Variants in SREK1 observed in about 807,000 individuals in gnomAD.
The protein encoded by SREK1 is splicing regulatory glutamine/lysine-rich protein 1.
SREK1 carries 13 observed loss-of-function variants against 66.5 expected under a neutral mutation model. The observed-to-expected ratio is 0.20, with a 90% CI of 0.13 to 0.31. The LOEUF (loss-of-function observed/expected upper bound fraction) is 0.31. Among genes scored for constraint, SREK1 ranks in the 10% least tolerant of loss-of-function variants. The probability of loss-of-function intolerance (pLI) is 1.00; values close to 1 mark genes in which losing one functional copy is unlikely to be tolerated. For missense variants in SREK1, 607 were observed against 769.6 expected (o/e 0.79, Z 2.50); for synonymous variants, 265 against 263.5 (o/e 1.01, Z -0.05).
At chr5:66,153,361 A>G (rs955633998) in intron 1 of SREK1, 102 bp from the exon 2 acceptor site, 5 of 1,454,308 alleles carry the variant, frequency 3.4e-6, no homozygotes, top group Non-Finnish European at 4.6e-6. Flanking sequence ...TAAAGTCTTA[A>G]TTTCGTAAGA....
rs138220253 is a variant in SREK1, at chr5:66,154,656, T to G, written c.295+1060T>G. On this transcript the variant is annotated intron_variant, in intron 2 of 11. Coordinates refer to ENST00000334121, the MANE Select transcript of SREK1 (RefSeq NM_001077199.3). ...TTCTGGGATGTCAAAAACATTACAG[T>G]CTAATACAGTGAGTACCAGGCTCGT... is the stretch of plus-strand genomic sequence containing the variant. 1.1e-3 allele frequency among the ~76,000 whole-genome samples: 169 copies of G among 152,308 alleles called. 1 individual carries two copies. Among genetic ancestry groups the G allele is most frequent in the African/African-American group, 3.9e-3 (162 of 41,582 alleles).
intron 1 of SREK1, among the ~76,000 whole-genome samples, chr5:66,150,759 T>C (rs1221576055): frequency 2.0e-5 from 3 of 152,198 alleles, no homozygotes; most frequent in Non-Finnish European, 4.4e-5. Flanking sequence ...ACCAATTGGA[T>C]GAGGACAGAA....
Position 66,154,577 on chromosome 5 carries a change from A to G in SREK1, c.295+981A>G, listed in dbSNP as rs143677330. Among the ~76,000 whole-genome samples the G allele has an allele frequency of 3.5e-3, 532 of 152,320 alleles. 2 individuals are homozygous for G. Among genetic ancestry groups the G allele is most frequent in the South Asian group, 6.4e-3 (31 of 4,832 alleles). ...GGCCAGGCTGACATTAAAATAATAT[A>G]TAATAAGCAGTTTGCTGCACTTTAA... On this transcript the variant is annotated intron_variant, in intron 2 of 11. Transcript: ENST00000334121.
At position 66,170,151 on chromosome 5, in the gene SREK1, A is replaced by C; in HGVS notation, c.1102A>C (p.Arg368=). 1.2e-6 allele frequency: 2 copies of C among 1,612,164 alleles called. No individual in the cohort carries two copies. The highest frequency in any genetic ancestry group is 1.3e-5 in the African/African-American group (1 of 74,932). Residue 368 remains arginine (R), a synonymous_variant, in exon 8 of 12, where the codon AGG becomes CGG. Coordinates refer to ENST00000334121, the MANE Select transcript of SREK1 (RefSeq NM_001077199.3). The stretch of plus-strand genomic sequence containing the variant: ...TAAATCAAGGGAGAGACGGAAGTCA[A>C]GGAGTCGTTCGCATTCACGGTGAGT... ...RSKSRERRKS[R]SRSHSRDKRK... is the part of the protein sequence containing the mutation.
At chr5:66,174,066 A>G (rs147922199) in intron 9 of SREK1, among the ~76,000 whole-genome samples, 5 of 150,918 alleles carry the variant, frequency 3.3e-5, no homozygotes, top group Non-Finnish European at 7.4e-5. Context: ...GGTAAGGATA[A>G]CATGAATTCC....
chr5:66,166,944 A>AGG (rs1745227234), intron 7 of SREK1: 1 of 152,198 alleles, frequency 6.6e-6, no homozygotes, highest in Non-Finnish European at 1.5e-5. Flanking sequence ...CTGACCTGGA[A>AGG]GGATCCCACT....
chr5:66,170,236 T>C, intron 8 of SREK1, 66 bp downstream of exon 8: 1 of 1,511,232 alleles, frequency 6.6e-7, no homozygotes, highest in Non-Finnish European at 8.9e-7. Context: ...TAAGGGATAA[T>C]ATTTTAATTG....
chr5:66,159,675 T>C (rs755446075), intron 3 of SREK1, among the ~76,000 whole-genome samples: 10 of 152,126 alleles, frequency 6.6e-5, no homozygotes, highest in Non-Finnish European at 1.3e-4. Flanking sequence ...TTAAAATACG[T>C]GAAATGATCC....
chr5:66,168,407 G>GGCTGGAGTGCAGTGGA (rs1488024957), intron 7 of SREK1: 2 of 152,016 alleles, frequency 1.3e-5, no homozygotes, highest in African/African-American at 4.8e-5. Context: ...GTGTTGCCCA[G>GGCTGGAGTGCAGTGGA]GCTGGAGTGC....
chr5:66,159,896 C>T (rs1379278679), intron 3 of SREK1, among the ~76,000 whole-genome samples: 3 of 152,110 alleles, frequency 2.0e-5, no homozygotes, highest in East Asian at 3.9e-4. Context: ...TTTGGGAGGC[C>T]GAGGCAGGTG....
intron 8 of SREK1, 42 bp from the exon 9 acceptor site, chr5:66,170,541 TAG>T: frequency 6.4e-7 from 1 of 1,554,736 alleles, no homozygotes. Context: ...TTGGAGGAGG[TAG>T]AACTATTTTA....
intron 1 of SREK1, 157 bp downstream of exon 1, chr5:66,144,694 C>A (rs758448992): frequency 7.5e-7 from 1 of 1,338,838 alleles, no homozygotes; most frequent in Non-Finnish European, 9.8e-7. Flanking sequence ...ACCCGGGTTC[C>A]GCCGTCCTGC....
At chr5:66,154,697 G>A (rs534402656) in intron 2 of SREK1, among the ~76,000 whole-genome samples, 55 of 152,268 alleles carry the variant, frequency 3.6e-4, no homozygotes, top group African/African-American at 1.3e-3. Flanking sequence ...TTAAGTCCCA[G>A]AATAGGACAT....
At chr5:66,164,952 T>C (rs912061229) in intron 7 of SREK1, 55 bp downstream of exon 7, 9 of 1,498,240 alleles carry the variant, frequency 6.0e-6, no homozygotes, top group Non-Finnish European at 7.2e-6. Context: ...ATTTAAAATA[T>C]TAAGATTTTA....
chr5:66,144,718 A>AT, intron 1 of SREK1, 181 bp downstream of exon 1: 1 of 1,306,162 alleles, frequency 7.7e-7, no homozygotes, highest in Non-Finnish European at 1.0e-6. Flanking sequence ...CCTTAGTCGG[A>AT]TTTGGGGGGT....
intron 1 of SREK1, among the ~76,000 whole-genome samples, chr5:66,147,155 C>G (rs1469124380): frequency 1.3e-5 from 2 of 152,088 alleles, no homozygotes; most frequent in Non-Finnish European, 2.9e-5. Flanking sequence ...TCATCTTTAT[C>G]TTTTAAACGT....
rs183035989 is a variant in SREK1 at position 66,163,927 on chromosome 5, G to A, written c.886+5G>A. 2 of 1,612,312 alleles carry A rather than the reference G, an allele frequency of 1.2e-6. No homozygotes were observed. The highest frequency in any genetic ancestry group is 1.3e-5 in the African/African-American group (1 of 74,964). On this transcript the variant is annotated splice_donor_5th_base_variant and intron_variant, in intron 6 of 11. Transcript: ENST00000334121. ...TCTCAGCAGCTATTGAACCAGGTAA[G>A]TACATAACGTTGTTACATAGGTCAT...
chr5:66,159,422 ATCT>A (rs74658271), intron 3 of SREK1, 88 bp downstream of exon 3: 72,169 of 983,534 alleles, frequency 0.073, 2,055 homozygotes, highest in East Asian at 0.18. Context: ...TTGCATTTGG[ATCT>A]TCTTCTTTTT....
In SREK1 at chr5:66,149,803, G is replaced by A. The variant is rs1743605960; in HGVS notation, c.162-3660G>A. 2.0e-5 allele frequency among the ~76,000 whole-genome samples: 3 copies of A among 152,158 alleles called. No homozygotes were observed. The South Asian group carries it at 6.2e-4, about 32-fold the overall frequency. ...TTTGGTTAAAAAGGACAGAAACAGT[G>A]TTACCCAAGGTACATCGAGAAGAGA... On this transcript the variant is annotated intron_variant, in intron 1 of 11. Coordinates refer to ENST00000334121, the MANE Select transcript of SREK1 (RefSeq NM_001077199.3).
Sources: gnomAD v4.1 joint callset for allele counts (sites outside exome capture counted in the v4.1 genomes callset) on GRCh38, gnomAD v4.1.1 for gene constraint, MANE v1.5 for transcripts, NCBI Gene and HGNC (gene_info 2026-07-23, HGNC 2026-07-21) for gene names.